Variants in MPP7 observed in about 807,000 individuals in gnomAD.
The protein encoded by MPP7 is MAGUK p55 scaffold protein 7.
A neutral mutation model predicts 76.5 loss-of-function variants in MPP7; 60 were observed. That is an observed-to-expected ratio of 0.78 (90% confidence interval 0.64 to 0.97). The LOEUF is 0.97. MPP7 is among the 50% of genes least tolerant of loss of function. The probability of loss-of-function intolerance (pLI) is 0.00; values close to 1 mark genes in which losing one functional copy is unlikely to be tolerated. For missense variants in MPP7, 641 were observed against 694.0 expected (o/e 0.92, Z 0.86); for synonymous variants, 237 against 244.5 (o/e 0.97, Z 0.29).
At position 28,054,335 on chromosome 10, in the gene MPP7, A is replaced by G. The variant is rs1283924779; in HGVS notation, c.1552-91T>C. On this transcript the variant is annotated intron_variant, in intron 16 of 16. Coordinates refer to ENST00000683449, the MANE Select transcript of MPP7 (RefSeq NM_001318170.2). ...AAACATTCTACAATTGGTTTACCTA[A>G]TGCTGTTCTGTGTTCAGTCTTTCCC... The G allele has an allele frequency of 6.6e-6, 5 of 757,102 alleles. No individual in the cohort carries two copies. The East Asian group carries it at 8.2e-5, about 12-fold the overall frequency. The allele number at this position is 757,102 out of a possible 1,614,324, so 46.9% of individuals were successfully genotyped here.
chr10:28,293,681 G>A (rs1589035768), intron 1 of MPP7, among the ~76,000 whole-genome samples: 1 of 152,164 alleles, frequency 6.6e-6, no homozygotes, highest in South Asian at 2.1e-4. Context: ...GGAGCGGAGC[G>A]GGGCAGCTCC....
At chr10:28,190,220 T>C (rs1052454515) in intron 3 of MPP7, among the ~76,000 whole-genome samples, 3 of 152,214 alleles carry the variant, frequency 2.0e-5, no homozygotes, top group East Asian at 1.9e-4. Flanking sequence ...GTCACTATTA[T>C]ACTTGGAACT....
chr10:28,316,927 G>T (rs879437496), intron 2 of MPP7, among the ~76,000 whole-genome samples: 9 of 152,274 alleles, frequency 5.9e-5, no homozygotes, highest in South Asian at 4.1e-4. Context: ...CTGGGGAGGA[G>T]TCTGAGCCTG....
intron 12 of MPP7, among the ~76,000 whole-genome samples, chr10:28,087,422 A>C (rs1288153651): frequency 1.3e-5 from 2 of 151,924 alleles, no homozygotes. Flanking sequence ...TAATTAGAGA[A>C]TCTTGCTCTG....
chr10:28,090,020 G>A (rs539627448), intron 11 of MPP7, among the ~76,000 whole-genome samples, 179 bp from the exon 12 acceptor site: 1 of 152,154 alleles, frequency 6.6e-6, no homozygotes, highest in South Asian at 2.1e-4. Flanking sequence ...GAGAGCAGTG[G>A]CGCCATCACA....
At chr10:28,130,317 T>A (rs1027934772) in intron 6 of MPP7, among the ~76,000 whole-genome samples, 3 of 152,104 alleles carry the variant, frequency 2.0e-5, no homozygotes, top group Non-Finnish European at 2.9e-5. Context: ...AACCTGAGGC[T>A]GAGATGGTGA....
In MPP7 at chr10:28,052,305, G is replaced by A. The variant is rs897564114; in HGVS notation, c.*1760C>T. On this transcript the variant is annotated 3_prime_UTR_variant, in exon 17 of 17. Transcript: ENST00000683449. The stretch of plus-strand genomic sequence containing the variant: ...CCAAACAATCTACTTAAGACTTCAG[G>A]TTGGCAACCCTCCCTCTTTCATTTT... The A allele has an allele frequency of 1.3e-5, 2 of 152,038 alleles. No homozygotes were observed. Among genetic ancestry groups the A allele is most frequent in the Non-Finnish European group, 2.9e-5 (2 of 67,978 alleles). 9.4% of individuals were successfully genotyped at this position (152,038 alleles called of 1,614,324 possible).
chr10:28,307,723 A>G (rs1299018842), upstream of MPP7: 3 of 152,242 alleles, frequency 2.0e-5, no homozygotes, highest in African/African-American at 4.8e-5. Context: ...CTTCATTCAC[A>G]GTTAAACTTT....
intron 3 of MPP7, among the ~76,000 whole-genome samples, chr10:28,161,804 C>A (rs369698258): frequency 6.6e-6 from 1 of 152,096 alleles, no homozygotes; most frequent in Non-Finnish European, 1.5e-5. Context: ...GATTCTAAGT[C>A]CTTAGAATCA....
intron 1 of MPP7, among the ~76,000 whole-genome samples, chr10:28,241,888 T>C (rs780904333): frequency 6.6e-6 from 1 of 152,216 alleles, no homozygotes; most frequent in African/African-American, 2.4e-5. Flanking sequence ...GCACTGATCA[T>C]GTGGAAACAG....
intron 1 of MPP7, among the ~76,000 whole-genome samples, chr10:28,252,800 A>C (rs539878420): frequency 6.6e-6 from 1 of 152,290 alleles, no homozygotes; most frequent in South Asian, 2.1e-4. Context: ...TTCTCCTGAT[A>C]ATAAAAGCTT....
At chr10:28,200,658 C>A (rs1286549769) in intron 3 of MPP7, among the ~76,000 whole-genome samples, 3 of 152,170 alleles carry the variant, frequency 2.0e-5, no homozygotes, top group African/African-American at 7.2e-5. Context: ...ACTTTTTCCT[C>A]AATACTTAAT....
At chr10:28,235,571 A>G (rs1008407165) in intron 2 of MPP7, among the ~76,000 whole-genome samples, 3 of 152,224 alleles carry the variant, frequency 2.0e-5, no homozygotes, top group Non-Finnish European at 4.4e-5. Context: ...GGTGGACTAC[A>G]TGAAAAAATA....
At chr10:28,269,386 A>G (rs962898366) in intron 1 of MPP7, among the ~76,000 whole-genome samples, 2 of 152,216 alleles carry the variant, frequency 1.3e-5, no homozygotes, top group Non-Finnish European at 2.9e-5. Flanking sequence ...TAAATTGGGT[A>G]GTGATTATGC....
chr10:28,163,877 C>T (rs1364654559), intron 3 of MPP7, among the ~76,000 whole-genome samples: 4 of 149,568 alleles, frequency 2.7e-5, no homozygotes, highest in African/African-American at 9.9e-5. Context: ...CGCCACTGCA[C>T]TCCAGCCTGG....
intron 1 of MPP7, among the ~76,000 whole-genome samples, chr10:28,295,935 T>C (rs1032365187): frequency 2.6e-5 from 4 of 152,232 alleles, no homozygotes; most frequent in African/African-American, 9.6e-5. Flanking sequence ...AATAAGTATA[T>C]TCAAGCACCT....
chr10:28,293,733 C>G (rs1840976104), intron 1 of MPP7, among the ~76,000 whole-genome samples: 1 of 152,056 alleles, frequency 6.6e-6, no homozygotes, highest in Non-Finnish European at 1.5e-5. Flanking sequence ...TATTCAGTCT[C>G]TACATACCAG....
intron 12 of MPP7, among the ~76,000 whole-genome samples, chr10:28,076,959 G>T (rs1852517424): frequency 6.6e-6 from 1 of 151,868 alleles, no homozygotes. Context: ...ACTACAGGAA[G>T]GGATGTAAAT....
chr10:28,239,583 A>T (rs1002698743), intron 1 of MPP7, among the ~76,000 whole-genome samples: 3 of 152,240 alleles, frequency 2.0e-5, no homozygotes, highest in African/African-American at 4.8e-5. Flanking sequence ...AGTGTTAGTA[A>T]TCCAAAGTAA....
Sources: gnomAD v4.1 joint callset for allele counts (sites outside exome capture counted in the v4.1 genomes callset) on GRCh38, gnomAD v4.1.1 for gene constraint, MANE v1.5 for transcripts, NCBI Gene and HGNC (gene_info 2026-07-23, HGNC 2026-07-21) for gene names.